Variants in BLK observed in about 807,000 individuals in gnomAD.
The protein encoded by BLK is BLK proto-oncogene, Src family tyrosine kinase, also known as tyrosine-protein kinase Blk.
A neutral mutation model predicts 61.8 loss-of-function variants in BLK; 64 were observed. The observed-to-expected ratio is 1.03, with a 90% CI of 0.85 to 1.27. The LOEUF (loss-of-function observed/expected upper bound fraction) is 1.27, where lower values mean the gene tolerates loss of function less well. BLK is among the 50% of genes most tolerant of loss of function. The pLI is 0.00. For synonymous variants in BLK, 351 were observed against 272.0 expected, an observed-to-expected ratio of 1.29 and a Z score of -2.86; for missense variants, 853 against 660.5, an observed-to-expected ratio of 1.29 and a Z score of -3.19.
chr8:11,523,114 T>G (rs1585351974), intron 1 of BLK, among the ~76,000 whole-genome samples: 1 of 152,358 alleles, frequency 6.6e-6, no homozygotes, highest in African/African-American at 2.4e-5. Context: ...CTTAAATAGT[T>G]GTATATTTCT....
rs372940637 is a variant in BLK, at chr8:11,546,034, G to T, written c.124-18G>T. 2 of 1,613,862 alleles carry T rather than the reference G, an allele frequency of 1.2e-6. No individual in the cohort carries two copies. Among genetic ancestry groups the T allele is most frequent in the Non-Finnish European group, 1.7e-6 (2 of 1,179,758 alleles). On this transcript the variant is annotated intron_variant, in intron 2 of 12. Transcript: ENST00000259089. ...CAGCAGGGACTGAAATAACTCAAGT[G>T]TGTGTTTTCTACCCAAGGTTGTCTT...
At chr8:11,497,197 A>C (rs965402157) in intron 1 of BLK, among the ~76,000 whole-genome samples, 5 of 152,232 alleles carry the variant, frequency 3.3e-5, no homozygotes, top group African/African-American at 1.2e-4. Flanking sequence ...GATGGAAATC[A>C]ATCACAAAAC....
chr8:11,527,472 T>G (rs554726291), intron 1 of BLK, among the ~76,000 whole-genome samples: 29 of 151,542 alleles, frequency 1.9e-4, no homozygotes, highest in Admixed American at 7.2e-4. Context: ...GAATTTTTCT[T>G]TCTTTTTTTT....
chr8:11,526,082 G>A (rs1799642523), intron 1 of BLK, among the ~76,000 whole-genome samples: 1 of 152,090 alleles, frequency 6.6e-6, no homozygotes, highest in Non-Finnish European at 1.5e-5. Flanking sequence ...TGCAGCTTTT[G>A]TTTTTAAACA....
At chr8:11,559,880 G>T (rs1585420484) in intron 10 of BLK, 1 of 455,810 alleles carries the variant, frequency 2.2e-6, no homozygotes, top group Non-Finnish European at 4.4e-6. Flanking sequence ...CTTAGCTCAG[G>T]TGTTCCCGGA....
At position 11,556,795 on chromosome 8, in the gene BLK, A is replaced by T; in HGVS notation, c.910A>T (p.Thr304Ser). ...GCTGGTCCGACTCTACGCAGTGGTC[A>T]CCAAGGAGCCCATCTACATTGTCAC... Reference protein sequence around the residue: ...ERLVRLYAVVTKEPIYIVTEY... With the variant: ...ERLVRLYAVVSKEPIYIVTEY... Residue 304 changes from threonine (T) to serine (S), a missense_variant, in exon 9 of 13, where the codon ACC (threonine) becomes TCC (serine). By Grantham distance (58) the Thr-to-Ser change is moderately conservative. Coordinates refer to ENST00000259089, the MANE Select transcript of BLK (RefSeq NM_001715.3). The T allele has an allele frequency of 6.2e-7, 1 of 1,614,220 alleles. No individual in the cohort carries two copies. The highest frequency in any genetic ancestry group is 8.5e-7 in the Non-Finnish European group (1 of 1,180,034).
intron 1 of BLK, among the ~76,000 whole-genome samples, chr8:11,535,257 GAAAGAAGAAAGAAAGA>G (rs1800068513): frequency 8.9e-6 from 1 of 111,836 alleles, no homozygotes; most frequent in Non-Finnish European, 1.8e-5. Flanking sequence ...AGGAAAGAAA[GAAAGAAGAAAGAAAGA>G]AAGAAAGAAA....
Position 11,546,032 on chromosome 8 carries a change from G to C in BLK, c.124-20G>C, listed in dbSNP as rs1393984566. 1 of 1,613,806 alleles carries C rather than the reference G, an allele frequency of 6.2e-7. No individual in the cohort carries two copies. Among genetic ancestry groups the C allele is most frequent in the Non-Finnish European group, 8.5e-7 (1 of 1,179,704 alleles). ...CGCAGCAGGGACTGAAATAACTCAA[G>C]TGTGTGTTTTCTACCCAAGGTTGTC... On this transcript the variant is annotated intron_variant, in intron 2 of 12. Transcript: ENST00000259089.
chr8:11,539,024 T>C (rs890913280), intron 1 of BLK, among the ~76,000 whole-genome samples: 1 of 152,130 alleles, frequency 6.6e-6, no homozygotes, highest in African/African-American at 2.4e-5. Context: ...AGAAAATACT[T>C]TGGTGGGACC....
intron 1 of BLK, among the ~76,000 whole-genome samples, chr8:11,519,020 T>A (rs1799336250): frequency 6.6e-6 from 1 of 152,204 alleles, no homozygotes; most frequent in Non-Finnish European, 1.5e-5. Context: ...AATTTCTTTG[T>A]GGCACTTACC....
chr8:11,558,564 G>A, intron 10 of BLK: 3 of 441,976 alleles, frequency 6.8e-6, no homozygotes, highest in South Asian at 4.8e-5. Flanking sequence ...GAGCCCTGGA[G>A]GACAGCCCCA....
At chr8:11,508,091 C>T (rs1585327083) in intron 1 of BLK, among the ~76,000 whole-genome samples, 1 of 152,202 alleles carries the variant, frequency 6.6e-6, no homozygotes, top group East Asian at 1.9e-4. Context: ...CAGGAACCTG[C>T]CCACTGGCCC....
In BLK at chr8:11,548,035, A is replaced by G; in HGVS notation, c.179A>G (p.Lys60Arg). The G allele has an allele frequency of 6.2e-7, 1 of 1,613,916 alleles. No homozygotes were observed. The highest frequency in any genetic ancestry group is 8.5e-7 in the Non-Finnish European group (1 of 1,179,892). Residue 60 changes from lysine (K) to arginine (R), a missense_variant, in exon 4 of 13, where the codon AAG becomes AGG. Lys to Arg is a conservative substitution (Grantham distance 26, BLOSUM62 2). Coordinates refer to ENST00000259089, the MANE Select transcript of BLK (RefSeq NM_001715.3). ...PPPDEHLDED[K>R]HFVVALYDYT... ...ATCTCTCCCTTGTTCATTTTAGACA[A>G]GCATTTCGTGGTGGCTCTGTATGAC...
intron 1 of BLK, among the ~76,000 whole-genome samples, chr8:11,518,223 C>G (rs1212089703): frequency 2.0e-5 from 3 of 152,224 alleles, no homozygotes; most frequent in Non-Finnish European, 2.9e-5. Flanking sequence ...AGCATGGACT[C>G]TCAGAATCAG....
intron 1 of BLK, among the ~76,000 whole-genome samples, chr8:11,505,925 C>G (rs1798754954): frequency 6.6e-6 from 1 of 152,218 alleles, no homozygotes; most frequent in South Asian, 2.1e-4. Context: ...TCTATGTATC[C>G]TTGGAGGTCC....
chr8:11,534,741 G>A (rs1563101766), intron 1 of BLK, among the ~76,000 whole-genome samples: 1 of 152,178 alleles, frequency 6.6e-6, no homozygotes, highest in Non-Finnish European at 1.5e-5. Flanking sequence ...TCACAGGTTG[G>A]CATTGCTAGG....
In BLK at chr8:11,518,930, T is replaced by G. The variant is rs554916355; in HGVS notation, c.-1-24294T>G. The stretch of plus-strand genomic sequence containing the variant: ...TTGCCACTGAAGACTCCAGCATACG[T>G]CGCACTTTCTGGGAGAGGTCTTTCT... On this transcript the variant is annotated intron_variant, in intron 1 of 12. Transcript: ENST00000259089. Among the ~76,000 whole-genome samples the G allele has an allele frequency of 6.6e-5, 10 of 152,252 alleles. No homozygotes were observed. The South Asian group carries it at 2.1e-3, about 32-fold the overall frequency.
chr8:11,504,406 G>T (rs1380933917), intron 1 of BLK, among the ~76,000 whole-genome samples: 1 of 133,158 alleles, frequency 7.5e-6, no homozygotes, highest in Non-Finnish European at 1.7e-5. Flanking sequence ...GAAAAGAAAA[G>T]AAAAGAAAAA....
chr8:11,551,403 T>A (rs1448004754), intron 6 of BLK, among the ~76,000 whole-genome samples: 1 of 152,180 alleles, frequency 6.6e-6, no homozygotes, highest in Non-Finnish European at 1.5e-5. Context: ...TGTCCTAATC[T>A]CTTCTTGTAA....
Sources: gnomAD v4.1 joint callset for allele counts (sites outside exome capture counted in the v4.1 genomes callset) on GRCh38, gnomAD v4.1.1 for gene constraint, MANE v1.5 for transcripts, NCBI Gene and HGNC (gene_info 2026-07-23, HGNC 2026-07-21) for gene names.